BAHCC1: variants seen among roughly 807,000 people sequenced by gnomAD.
The protein encoded by BAHCC1 is BAH domain and coiled-coil containing 1, also known as BAH and coiled-coil domain-containing protein 1.
Under a neutral mutation model 88.2 loss-of-function variants are expected in BAHCC1, and 43 were observed. The observed-to-expected ratio is 0.49, with a 90% CI of 0.38 to 0.63. The LOEUF (loss-of-function observed/expected upper bound fraction) is 0.63. Among genes scored for constraint, BAHCC1 ranks in the 20% least tolerant of loss-of-function variants. The pLI, the probability that BAHCC1 is intolerant of heterozygous loss-of-function variation, is 0.00. For missense variants in BAHCC1, 3,023 were observed against 1,654.8 expected, an observed-to-expected ratio of 1.83 and a Z score of -14.34; for synonymous variants, 1,510 against 745.5, an observed-to-expected ratio of 2.03 and a Z score of -16.71.
chr17:81,419,388 C>G (rs1393218873), intron 2 of BAHCC1, among the ~76,000 whole-genome samples: 1 of 152,252 alleles, frequency 6.6e-6, no homozygotes, highest in Non-Finnish European at 1.5e-5. Context: ...CCCGCGCTTT[C>G]CCGGAATGAG....
chr17:81,403,735 A>AC (rs1567993049), intron 2 of BAHCC1, among the ~76,000 whole-genome samples: 3 of 152,204 alleles, frequency 2.0e-5, no homozygotes, highest in Non-Finnish European at 4.4e-5. Flanking sequence ...CTTTCCGAAG[A>AC]CGTCACCCGT....
At position 81,460,960 on chromosome 17, in the gene BAHCC1, C is replaced by G; in HGVS notation, c.6297C>G (p.Ser2099=). The G allele has an allele frequency of 1.3e-6, 1 of 772,368 alleles. No individual in the cohort carries two copies. The highest frequency in any genetic ancestry group is 1.3e-5 in the South Asian group (1 of 74,600). The allele number at this position is 772,368 out of a possible 1,614,324, so 47.8% of individuals were successfully genotyped here. Residue 2099 remains serine, a synonymous_variant, in exon 26 of 28, where the codon TCC becomes TCG. Transcript: ENST00000675386. The part of the protein sequence containing the change: ...GRRGSPLLSW[S]AVAQTKRKAV... ...GTGGCAGCCCCTTGCTGAGCTGGTC[C>G]GCGGTGGCGCAGACCAAGCGGAAGG...
At chr17:81,406,621 C>A (rs939972422) in intron 2 of BAHCC1, among the ~76,000 whole-genome samples, 1 of 152,250 alleles carries the variant, frequency 6.6e-6, no homozygotes, top group Admixed American at 6.5e-5. Context: ...GATAATATAC[C>A]GTTTCGCTCA....
At chr17:81,453,633 G>C (rs1432048568) in intron 14 of BAHCC1, among the ~76,000 whole-genome samples, 2 of 147,842 alleles carry the variant, frequency 1.4e-5, no homozygotes, top group South Asian at 2.2e-4. Flanking sequence ...GGTGTCTCCT[G>C]GGGGGGGGTC....
chr17:81,458,870 G>C lies in BAHCC1; in HGVS notation c.5506G>C (p.Glu1836Gln). Reference sequence around the variant, plus strand: ...AAGCTTCGCCGTGGAGGAAGACTTTGAGTTCGACGACAACAGCAGCTTCTC... The same window carrying C: ...AAGCTTCGCCGTGGAGGAAGACTTTCAGTTCGACGACAACAGCAGCTTCTC... ...LESFAVEEDF[E>Q]FDDNSSFSEE... The change falls in exon 20 of 28, where the codon GAG becomes CAG. Residue 1836 changes from glutamate to glutamine, a missense_variant. Transcript: ENST00000675386. 1 of 774,244 alleles carries C rather than the reference G, an allele frequency of 1.3e-6. No homozygotes were observed. The allele number at this position is 774,244 out of a possible 1,614,324, so 48.0% of individuals were successfully genotyped here.
chr17:81,443,667 C>G, intron 5 of BAHCC1, 103 bp downstream of exon 5: 2 of 633,278 alleles, frequency 3.2e-6, no homozygotes, highest in Non-Finnish European at 5.7e-6. Flanking sequence ...CTGCCCTTGG[C>G]AGACCCTCCG....
Position 81,462,522 on chromosome 17 carries a change from C to G in BAHCC1, c.7384-218C>G. 7.0e-6 allele frequency: 4 copies of G among 570,036 alleles called. No homozygotes were observed. The South Asian group carries it at 9.1e-5, about 13-fold the overall frequency. 35.3% of individuals were successfully genotyped at this position (570,036 alleles called of 1,614,324 possible). ...GATCCAGTGTCCAGACGTCATGATT[C>G]CATGTGCGGGCTCCGTGGAGGCGTG... On this transcript the variant is annotated intron_variant, in intron 26 of 27. Transcript: ENST00000675386.
rs868971731 is a variant in BAHCC1 at position 81,461,150 on chromosome 17, A to G, written c.6487A>G (p.Ser2163Gly). The G allele has an allele frequency of 2.6e-6, 2 of 760,944 alleles. No homozygotes were observed. Among genetic ancestry groups the G allele is most frequent in the Non-Finnish European group, 4.8e-6 (2 of 414,608 alleles). 47.1% of individuals were successfully genotyped at this position (760,944 alleles called of 1,614,324 possible). Reference sequence around the variant, plus strand: ...CGCCGACTCCTTCAGCAGCCTGGCCAGCTCCTACGCGCCCTTCGTCGGGGG... The same window carrying G: ...CGCCGACTCCTTCAGCAGCCTGGCCGGCTCCTACGCGCCCTTCGTCGGGGG... ...FRADSFSSLA[S>G]SYAPFVGGTG... The change falls in exon 26 of 28, where the codon AGC becomes GGC. Residue 2163 changes from serine (S) to glycine (G), a missense_variant. Transcript: ENST00000675386.
chr17:81,435,273 T>C lies in BAHCC1; in HGVS notation c.359-3097T>C, dbSNP rs1379751133. 6.6e-6 allele frequency among the ~76,000 whole-genome samples: 1 copy of C among 152,072 alleles called. No homozygotes were observed. Among genetic ancestry groups the C allele is most frequent in the African/African-American group, 2.4e-5 (1 of 41,404 alleles). ...CCCAGCCCACGCGTGGCCCCCTGGC[T>C]TTACTAACCCATCAGGTGCCTGTGG... is the stretch of plus-strand genomic sequence containing the variant. On this transcript the variant is annotated intron_variant, in intron 3 of 27. Coordinates refer to ENST00000675386, the MANE Select transcript of BAHCC1 (RefSeq NM_001377448.1). This position sits in a 1 kb window ranked among gnomAD's most constrained non-coding sequence, Gnocchi z 4.4.
chr17:81,429,300 C>T (rs1481436074), intron 3 of BAHCC1, among the ~76,000 whole-genome samples: 2 of 152,232 alleles, frequency 1.3e-5, no homozygotes, highest in Non-Finnish European at 2.9e-5. Flanking sequence ...CCTCCAAGGC[C>T]ACACACCTGC....
intron 10 of BAHCC1, chr17:81,446,764 G>A (rs1220366195): frequency 1.1e-5 from 7 of 626,830 alleles, no homozygotes; most frequent in Admixed American, 8.4e-5. Flanking sequence ...TGTTGCCCAC[G>A]CTGGTCTCGA....
In BAHCC1 at chr17:81,443,063, G is replaced by A. The variant is rs782547818; in HGVS notation, c.1714G>A (p.Ala572Thr). 2.6e-6 allele frequency: 2 copies of A among 778,172 alleles called. No individual in the cohort carries two copies. The highest frequency in any genetic ancestry group is 4.8e-6 in the Non-Finnish European group (2 of 417,642). The allele number at this position is 778,172 out of a possible 1,614,324, so 48.2% of individuals were successfully genotyped here. ...AEAKRKSLEL[A>T]SLGYSGPHLP... ...GGCCAAGCGCAAGTCCCTGGAGCTG[G>A]CATCCCTGGGCTACAGTGGGCCCCA... Residue 572 changes from alanine to threonine, a missense_variant, in exon 5 of 28, where the codon GCA becomes ACA. Ala to Thr is a moderately conservative substitution (Grantham distance 58, BLOSUM62 0). Coordinates refer to ENST00000675386, the MANE Select transcript of BAHCC1 (RefSeq NM_001377448.1).
rs782074545 is a variant in BAHCC1, at chr17:81,445,425, G to A, written c.2907G>A (p.Lys969=). The part of the protein sequence containing the change: ...AQEKAPKSTH[K]PVALTPTAPG... ...AGAAGGCCCCAAAGTCCACCCACAA[G>A]CCAGTTGCCTTAACCCCCACGGCCC... Residue 969 remains lysine (K), a synonymous_variant, in exon 10 of 28, where the codon AAG becomes AAA. Transcript: ENST00000675386. The A allele has an allele frequency of 1.3e-6, 1 of 775,572 alleles. No homozygotes were observed. 48.0% of individuals were successfully genotyped at this position (775,572 alleles called of 1,614,324 possible). A position where few individuals can be genotyped will look rare whatever the true frequency, so the allele number is the denominator to read the frequency against.
chr17:81,438,095 G>A (rs1292556543), intron 3 of BAHCC1, among the ~76,000 whole-genome samples: 5 of 152,240 alleles, frequency 3.3e-5, no homozygotes, highest in African/African-American at 1.2e-4. Flanking sequence ...GCGATCCTGA[G>A]TGCTGCTAGG....
Position 81,461,952 on chromosome 17 carries a change from G to C in BAHCC1, c.7289G>C (p.Arg2430Pro), listed in dbSNP as rs782642998. Residue 2430 changes from arginine (R) to proline (P), a missense_variant, in exon 26 of 28, where the codon CGG (arginine) becomes CCG (proline). By Grantham distance (103) the Arg-to-Pro change is moderately radical. Transcript: ENST00000675386. ...LSFSKAKELS[R>P]RQRPPSVENR... ...TTCTCCAAAGCCAAAGAGCTCTCCC[G>C]GAGGCAGCGGCCGCCCTCCGTGGAA... 1 of 769,338 alleles carries C rather than the reference G, an allele frequency of 1.3e-6. No homozygotes were observed. The highest frequency in any genetic ancestry group is 1.4e-5 in the South Asian group (1 of 72,626). The allele number at this position is 769,338 out of a possible 1,614,324, so 47.7% of individuals were successfully genotyped here. A position where few individuals can be genotyped will look rare whatever the true frequency, so the allele number is the denominator to read the frequency against.
In BAHCC1 at chr17:81,413,695, G is replaced by T. The variant is rs118092631; in HGVS notation, c.179-13105G>T. The stretch of plus-strand genomic sequence containing the variant: ...CCAGGGCCCATGCGGGAGGCAGCCC[G>T]CTCGGACCACCTGTGGCTTCCCTGC... On this transcript the variant is annotated intron_variant, in intron 2 of 27. Transcript: ENST00000675386. 6.7e-3 allele frequency among the ~76,000 whole-genome samples: 1,019 copies of T among 152,346 alleles called. 6 individuals are homozygous for T. Among genetic ancestry groups the T allele is most frequent in the Admixed American group, 0.011 (166 of 15,314 alleles).
chr17:81,447,372 G>A lies in BAHCC1; in HGVS notation c.3500G>A (p.Gly1167Asp). The A allele has an allele frequency of 1.4e-6, 1 of 736,352 alleles. No individual in the cohort carries two copies. 45.6% of individuals were successfully genotyped at this position (736,352 alleles called of 1,614,324 possible). The change falls in exon 11 of 28, where the codon GGC becomes GAC. Residue 1167 changes from glycine (G) to aspartate (D), a missense_variant. Coordinates refer to ENST00000675386, the MANE Select transcript of BAHCC1 (RefSeq NM_001377448.1). ...TGTGCGGCCCTCCTGGAGGCAGGGG[G>A]CCCCGAGGCCACCGGCCAGGCTCAT... The part of the protein sequence containing the change: ...LQCAALLEAG[G>D]PEATGQAHST...
intron 2 of BAHCC1, among the ~76,000 whole-genome samples, chr17:81,409,242 A>G (rs1325643982): frequency 1.3e-5 from 2 of 152,134 alleles, no homozygotes; most frequent in African/African-American, 2.4e-5. Context: ...GCGGCTCCTG[A>G]GGCTGTGTGC....
intron 2 of BAHCC1, among the ~76,000 whole-genome samples, chr17:81,419,476 C>T (rs1555649307): frequency 6.6e-6 from 1 of 152,260 alleles, no homozygotes; most frequent in African/African-American, 2.4e-5. Context: ...CCCTTGGGAG[C>T]CTGGCTCGTG....
Sources: gnomAD v4.1 joint callset for allele counts (sites outside exome capture counted in the v4.1 genomes callset) on GRCh38, gnomAD v4.1.1 for gene constraint, Gnocchi (gnomAD v3.1) non-coding constraint, MANE v1.5 for transcripts, NCBI Gene and HGNC (gene_info 2026-07-23, HGNC 2026-07-21) for gene names.